Variants in STPG4 observed in about 807,000 individuals in gnomAD.
STPG4 encodes the protein protein STPG4.
STPG4 carries 41 observed loss-of-function variants against 31.5 expected under a neutral mutation model. The ratio of observed to expected loss-of-function variants is 1.30; its 90% confidence interval spans 1.01 to 1.69. The LOEUF (loss-of-function observed/expected upper bound fraction) is 1.69. Among genes scored for constraint, STPG4 ranks in the 40% most tolerant of loss-of-function variants. STPG4 has a pLI of 0.00. For synonymous variants in STPG4, 141 were observed against 103.0 expected (o/e 1.37, Z -2.24); for missense variants, 375 against 293.4 (o/e 1.28, Z -2.03).
intron 5 of STPG4, among the ~76,000 whole-genome samples, chr2:47,092,748 C>T (rs1251511813): frequency 6.6e-6 from 1 of 151,496 alleles, no homozygotes; most frequent in Non-Finnish European, 1.5e-5. Context: ...CACAAATGAG[C>T]ACCACAGTTT....
intron 5 of STPG4, among the ~76,000 whole-genome samples, chr2:47,100,141 C>T (rs1685761557): frequency 6.6e-6 from 1 of 152,124 alleles, no homozygotes; most frequent in Admixed American, 6.5e-5. Flanking sequence ...GACTGGCAGG[C>T]AGCTCCACCT....
At chr2:47,119,639 T>G (rs1388380383) in intron 5 of STPG4, among the ~76,000 whole-genome samples, 2 of 151,736 alleles carry the variant, frequency 1.3e-5, no homozygotes, top group Non-Finnish European at 2.9e-5. Flanking sequence ...ACACATGCAT[T>G]TATCTCCATT....
chr2:47,116,278 A>T (rs1686151309), intron 5 of STPG4, among the ~76,000 whole-genome samples: 1 of 152,218 alleles, frequency 6.6e-6, no homozygotes, highest in Non-Finnish European at 1.5e-5. Flanking sequence ...AGATCTAAGG[A>T]ATAGAAGGAT....
At chr2:47,147,758 G>T (rs1373435799) in intron 3 of STPG4, among the ~76,000 whole-genome samples, 3 of 152,086 alleles carry the variant, frequency 2.0e-5, no homozygotes, top group Admixed American at 1.3e-4. Context: ...GAAATAGCAG[G>T]TCATAAAATT....
At chr2:47,151,206 A>AG in intron 3 of STPG4, 52 bp downstream of exon 3, 1 of 1,598,910 alleles carries the variant, frequency 6.3e-7, no homozygotes, top group South Asian at 1.1e-5. Flanking sequence ...TACTTTCCTC[A>AG]GGGGCTCTTA....
chr2:47,146,513 C>A (rs573790244), intron 3 of STPG4, among the ~76,000 whole-genome samples: 1 of 151,112 alleles, frequency 6.6e-6, no homozygotes, highest in East Asian at 1.9e-4. Context: ...ACCACTTGAG[C>A]CCAGGAGTTT....
intron 6 of STPG4, 61 bp from the exon 7 acceptor site, chr2:47,087,191 T>C (rs1685474482): frequency 6.5e-7 from 1 of 1,537,472 alleles, no homozygotes; most frequent in South Asian, 1.2e-5. Flanking sequence ...CTGAGGCTCC[T>C]GTGCCTAGCC....
At chr2:47,136,197 G>C (rs1686591461) in intron 3 of STPG4, among the ~76,000 whole-genome samples, 1 of 151,950 alleles carries the variant, frequency 6.6e-6, no homozygotes. Flanking sequence ...CCAGGCTGGA[G>C]GGAAATGGCG....
intron 5 of STPG4, among the ~76,000 whole-genome samples, chr2:47,091,912 T>C (rs935812391): frequency 5.9e-5 from 9 of 151,722 alleles, no homozygotes; most frequent in African/African-American, 2.2e-4. Context: ...ATGGATGATA[T>C]GTGCCTGGTT....
At chr2:47,123,824 G>A (rs1178439590) in intron 5 of STPG4, among the ~76,000 whole-genome samples, 1 of 152,030 alleles carries the variant, frequency 6.6e-6, no homozygotes, top group African/African-American at 2.4e-5. Context: ...TGGCCACATA[G>A]TAGGTATATA....
intron 3 of STPG4, among the ~76,000 whole-genome samples, chr2:47,139,375 C>G (rs1200173924): frequency 6.7e-6 from 1 of 150,030 alleles, no homozygotes; most frequent in Non-Finnish European, 1.5e-5. Context: ...GATGTCTGCT[C>G]TGTTTGAAAC....
chr2:47,110,142 G>A (rs2103753104), intron 5 of STPG4, among the ~76,000 whole-genome samples: 1 of 152,234 alleles, frequency 6.6e-6, no homozygotes, highest in East Asian at 1.9e-4. Context: ...CAAAGAATCT[G>A]CTTAGTAAAT....
chr2:47,153,491 G>T (rs1288280553), intron 1 of STPG4, among the ~76,000 whole-genome samples: 1 of 152,226 alleles, frequency 6.6e-6, no homozygotes, highest in African/African-American at 2.4e-5. Flanking sequence ...GGTGGCTCAC[G>T]CCTGTAATCT....
chr2:47,131,245 G>A (rs574282107), intron 3 of STPG4, among the ~76,000 whole-genome samples: 12 of 152,026 alleles, frequency 7.9e-5, no homozygotes, highest in Non-Finnish European at 1.5e-4. Flanking sequence ...TCCCACCTCA[G>A]TCTCCCAAAT....
At chr2:47,127,911 T>C (rs938238402) in intron 5 of STPG4, among the ~76,000 whole-genome samples, 2 of 152,226 alleles carry the variant, frequency 1.3e-5, no homozygotes, top group Non-Finnish European at 2.9e-5. Context: ...TGCCGATGTC[T>C]GGGCATTGTA....
At position 47,099,933 on chromosome 2, in the gene STPG4, T is replaced by C. The variant is rs945659848; in HGVS notation, c.520-9559A>G. On this transcript the variant is annotated intron_variant, in intron 5 of 6. Transcript: ENST00000445927. Reference sequence around the variant, plus strand: ...CAGCAGTGCCAGCCCACCAGTGCTGTGCTCAGTTTCTCGCTGGGTCTTAGC... The same window carrying C: ...CAGCAGTGCCAGCCCACCAGTGCTGCGCTCAGTTTCTCGCTGGGTCTTAGC... 4.3e-4 allele frequency among the ~76,000 whole-genome samples: 66 copies of C among 152,262 alleles called. 1 individual carries two copies. Among genetic ancestry groups the C allele is most frequent in the African/African-American group, 1.5e-3 (63 of 41,510 alleles).
chr2:47,108,256 C>T (rs979939973), intron 5 of STPG4: 1 of 151,670 alleles, frequency 6.6e-6, no homozygotes, highest in Non-Finnish European at 1.5e-5. Flanking sequence ...AGCAGGCTCC[C>T]CGAGCCAGCA....
At chr2:47,104,603 C>T (rs867343961) in intron 5 of STPG4, among the ~76,000 whole-genome samples, 3 of 151,982 alleles carry the variant, frequency 2.0e-5, no homozygotes, top group Non-Finnish European at 2.9e-5. Context: ...TCCCAACTTA[C>T]GTGGACAGTC....
chr2:47,133,262 G>T (rs1042436637), intron 3 of STPG4, among the ~76,000 whole-genome samples: 14 of 151,894 alleles, frequency 9.2e-5, no homozygotes, highest in Non-Finnish European at 5.9e-5. Flanking sequence ...AACCTCCCAG[G>T]CTCAAGCGAT....
Sources: allele counts gnomAD v4.1 joint callset (sites outside exome capture counted in the v4.1 genomes callset), GRCh38; gene constraint gnomAD v4.1.1; transcripts MANE v1.5; gene names NCBI Gene and HGNC (gene_info 2026-07-23, HGNC 2026-07-21).